SLC17A8: variants seen among roughly 807,000 people sequenced by gnomAD.
SLC17A8 encodes the protein solute carrier family 17 member 8.
Under a neutral mutation model 58.0 loss-of-function variants are expected in SLC17A8, and 31 were observed. The ratio of observed to expected loss-of-function variants is 0.53; its 90% confidence interval spans 0.40 to 0.72. The LOEUF (loss-of-function observed/expected upper bound fraction) is 0.72. Among genes scored for constraint, SLC17A8 ranks in the 30% least tolerant of loss-of-function variants. SLC17A8 has a pLI of 0.00. For missense variants in SLC17A8, 655 were observed against 727.8 expected, an observed-to-expected ratio of 0.90 and a Z score of 1.15; for synonymous variants, 228 against 249.0, an observed-to-expected ratio of 0.92 and a Z score of 0.79.
At chr12:100,381,321 T>C (rs1241241438) in intron 2 of SLC17A8, among the ~76,000 whole-genome samples, 3 of 152,084 alleles carry the variant, frequency 2.0e-5, no homozygotes, top group African/African-American at 7.2e-5. Flanking sequence ...ATGATGGGGA[T>C]AGAAAGGTGA....
rs1220902779 is a variant in SLC17A8 at position 100,420,040 on chromosome 12, A to G, written c.1651A>G (p.Thr551Ala). The G allele has an allele frequency of 2.5e-6, 4 of 1,614,066 alleles. No homozygotes were observed. The South Asian group carries it at 4.4e-5, about 18-fold the overall frequency. The part of the protein sequence containing the change: ...SPKKKMSYGA[T>A]SQNCEVQKKE... ...CAAAAAGAAGATGTCTTATGGAGCC[A>G]CCTCCCAGAATTGTGAAGTCCAGAA... Residue 551 changes from threonine to alanine, a missense_variant, in exon 12 of 12, where the codon ACC becomes GCC. Thr to Ala is a moderately conservative substitution (Grantham distance 58). Transcript: ENST00000323346.
chr12:100,374,972 C>T (rs984863463), intron 1 of SLC17A8, among the ~76,000 whole-genome samples: 1 of 151,932 alleles, frequency 6.6e-6, no homozygotes, highest in South Asian at 2.1e-4. Flanking sequence ...TCTTTCAGGG[C>T]TTTCCCTTTG....
intron 2 of SLC17A8, among the ~76,000 whole-genome samples, chr12:100,388,743 T>A (rs80020243): frequency 6.6e-6 from 1 of 152,176 alleles, no homozygotes; most frequent in Non-Finnish European, 1.5e-5. Flanking sequence ...TTATAAAACA[T>A]AGTATGTTGA....
At chr12:100,399,605 G>A (rs1593002046) in intron 5 of SLC17A8, among the ~76,000 whole-genome samples, 1 of 151,964 alleles carries the variant, frequency 6.6e-6, no homozygotes, top group Non-Finnish European at 1.5e-5. Flanking sequence ...GAGAGAGAGT[G>A]AAGGGGAAGG....
In SLC17A8 at chr12:100,414,554, A is replaced by C. The variant is rs552101938; in HGVS notation, c.1297+1674A>C. Among the ~76,000 whole-genome samples the C allele has an allele frequency of 2.6e-5, 4 of 152,338 alleles. No individual in the cohort carries two copies. The East Asian group carries it at 7.7e-4, about 29-fold the overall frequency. On this transcript the variant is annotated intron_variant, in intron 10 of 11. Transcript: ENST00000323346. Reference sequence around the variant, plus strand: ...AACCTCATAGGGTTGTTGGGAGGATAAACTTAGATAATTCATGTATTTCCC... The same window carrying C: ...AACCTCATAGGGTTGTTGGGAGGATCAACTTAGATAATTCATGTATTTCCC...
chr12:100,409,772 G>A (rs1361774113), intron 9 of SLC17A8, among the ~76,000 whole-genome samples: 1 of 152,182 alleles, frequency 6.6e-6, no homozygotes, highest in African/African-American at 2.4e-5. Context: ...GAAACAATGT[G>A]TGAAAATATG....
chr12:100,407,036 A>G (rs1952830978), intron 9 of SLC17A8, among the ~76,000 whole-genome samples: 1 of 152,186 alleles, frequency 6.6e-6, no homozygotes, highest in Admixed American at 6.5e-5. Flanking sequence ...ACATAATAAT[A>G]TTTACTTCAG....
chr12:100,396,239 T>C, intron 4 of SLC17A8, 91 bp from the exon 5 acceptor site: 2 of 1,020,050 alleles, frequency 2.0e-6, no homozygotes, highest in South Asian at 2.6e-5. Context: ...GCTTTTATAT[T>C]GTAGCCTGTG....
chr12:100,418,288 C>T, intron 11 of SLC17A8, 132 bp downstream of exon 11: 3 of 1,002,582 alleles, frequency 3.0e-6, no homozygotes, highest in African/African-American at 1.6e-5. Context: ...AGCTGAACTT[C>T]TTTTTTTTTT....
At chr12:100,387,302 T>C (rs1952682813) in intron 2 of SLC17A8, among the ~76,000 whole-genome samples, 1 of 152,194 alleles carries the variant, frequency 6.6e-6, no homozygotes, top group Non-Finnish European at 1.5e-5. Context: ...CTAACAGGTA[T>C]AAAGTGACGT....
intron 4 of SLC17A8, 61 bp downstream of exon 4, chr12:100,393,544 A>G: frequency 8.0e-7 from 1 of 1,243,266 alleles, no homozygotes; most frequent in Non-Finnish European, 1.2e-6. Flanking sequence ...CCTTTAGAAA[A>G]TTCACCTTCT....
intron 10 of SLC17A8, among the ~76,000 whole-genome samples, chr12:100,416,907 G>C (rs541217157): frequency 1.3e-5 from 2 of 152,282 alleles, no homozygotes; most frequent in South Asian, 4.1e-4. Context: ...TCTCAACTAA[G>C]CTGCCAGAAC....
chr12:100,390,422 C>G (rs1386954202), intron 2 of SLC17A8, among the ~76,000 whole-genome samples: 2 of 151,826 alleles, frequency 1.3e-5, no homozygotes, highest in African/African-American at 4.8e-5. Flanking sequence ...TCTCAGCTCA[C>G]TGCAAATTCC....
intron 2 of SLC17A8, among the ~76,000 whole-genome samples, chr12:100,383,662 A>G (rs979486926): frequency 6.6e-6 from 1 of 152,168 alleles, no homozygotes. Context: ...AATATGTGGC[A>G]TATGTTCTAC....
chr12:100,415,293 G>A (rs181563283), intron 10 of SLC17A8, among the ~76,000 whole-genome samples: 7 of 151,954 alleles, frequency 4.6e-5, no homozygotes, highest in Admixed American at 2.6e-4. Flanking sequence ...TGGTGAAACC[G>A]CATGTCTACT....
intron 1 of SLC17A8, among the ~76,000 whole-genome samples, chr12:100,378,551 G>C (rs1235609664): frequency 6.6e-6 from 1 of 152,012 alleles, no homozygotes; most frequent in Non-Finnish European, 1.5e-5. Context: ...TAATATGGGA[G>C]GAATAAAAGC....
At chr12:100,376,819 C>CT (rs971486969) in intron 1 of SLC17A8, among the ~76,000 whole-genome samples, 27 of 151,662 alleles carry the variant, frequency 1.8e-4, no homozygotes, top group Admixed American at 9.2e-4. Flanking sequence ...CTTTTCTTTT[C>CT]TTTTTTTTGA....
At chr12:100,392,224 A>G (rs1284867076) in intron 3 of SLC17A8, among the ~76,000 whole-genome samples, 19 of 152,198 alleles carry the variant, frequency 1.2e-4, no homozygotes, top group Non-Finnish European at 2.6e-4. Flanking sequence ...TCTAAAGCAC[A>G]ACTCATTAGA....
Position 100,419,963 on chromosome 12 carries a change from A to T in SLC17A8, c.1574A>T (p.Gln525Leu). 6.2e-7 allele frequency: 1 copy of T among 1,614,190 alleles called. No homozygotes were observed. Among genetic ancestry groups the T allele is most frequent in the Non-Finnish European group, 8.5e-7 (1 of 1,180,032 alleles). Reference protein sequence around the residue: ...LSEEKCGIIDQDELAEEIELN... With the variant: ...LSEEKCGIIDLDELAEEIELN... ...GAGGAGAAATGTGGAATCATTGACC[A>T]GGACGAATTAGCTGAGGAGATAGAA... Residue 525 changes from glutamine to leucine, a missense_variant, in exon 12 of 12, where the codon CAG becomes CTG. Coordinates refer to ENST00000323346, the MANE Select transcript of SLC17A8 (RefSeq NM_139319.3).
Sources: gnomAD v4.1 joint callset for allele counts (sites outside exome capture counted in the v4.1 genomes callset) on GRCh38, gnomAD v4.1.1 for gene constraint, MANE v1.5 for transcripts, NCBI Gene and HGNC (gene_info 2026-07-23, HGNC 2026-07-21) for gene names.